BCL2: variants seen among roughly 807,000 people sequenced by gnomAD.
The protein encoded by BCL2 is BCL2 apoptosis regulator, also known as apoptosis regulator Bcl-2.
In BCL2, 1 loss-of-function variant was observed where a neutral mutation model predicts 14.2. The ratio of observed to expected loss-of-function variants is 0.07; its 90% CI spans 0.02 to 0.33. The LOEUF (loss-of-function observed/expected upper bound fraction) is 0.33, where lower values mean the gene tolerates loss of function less well. Ranked by LOEUF, BCL2 falls within the 10% of genes least tolerant of loss-of-function variation. BCL2 has a pLI of 0.99. For missense variants in BCL2, 247 were observed against 305.9 expected, an observed-to-expected ratio of 0.81 and a Z score of 1.44; for synonymous variants, 151 against 137.2, an observed-to-expected ratio of 1.10 and a Z score of -0.70.
At chr18:63,198,185 CACACACACACAGAG>C (rs1236408584) in intron 2 of BCL2, among the ~76,000 whole-genome samples, 4 of 151,880 alleles carry the variant, frequency 2.6e-5, no homozygotes, top group Non-Finnish European at 4.4e-5. Context: ...CATACACACA[CACACACACACAGAG>C]ACACACACAG....
chr18:63,318,936 C>G lies in BCL2; in HGVS notation c.-270G>C. 7.4e-7 allele frequency: 1 copy of G among 1,350,482 alleles called. No individual in the cohort carries two copies. Among genetic ancestry groups the G allele is most frequent in the Non-Finnish European group, 9.6e-7 (1 of 1,045,224 alleles). The allele number at this position is 1,350,482 out of a possible 1,614,324, so 83.7% of individuals were successfully genotyped here. A position where few individuals can be genotyped will look rare whatever the true frequency, so the allele number is the denominator to read the frequency against. On this transcript the variant is annotated 5_prime_UTR_variant, in exon 2 of 3. The change abolishes the stop of an existing upstream ORF in the 5' untranslated region. Coordinates refer to ENST00000333681, the MANE Select transcript of BCL2 (RefSeq NM_000633.3). This position sits in a 1 kb window ranked among gnomAD's most constrained non-coding sequence, Gnocchi z 7.4. ...ATTAGTAAGTATTGTTAATATCAGT[C>G]TACTTCCTCTGTGATGCTGAAAGGT...
chr18:63,313,053 C>T (rs989348928), intron 2 of BCL2, among the ~76,000 whole-genome samples: 23 of 152,296 alleles, frequency 1.5e-4, no homozygotes, highest in African/African-American at 4.6e-4. Context: ...TCAGAAATAA[C>T]GTTCTTAGAC....
intron 2 of BCL2, among the ~76,000 whole-genome samples, chr18:63,251,561 C>G (rs1041626081): frequency 5.4e-5 from 8 of 149,308 alleles, no homozygotes; most frequent in Non-Finnish European, 1.2e-4. Flanking sequence ...AGGAGAATGG[C>G]GTGAACCCGG....
At chr18:63,238,051 A>G (rs1411433822) in intron 2 of BCL2, among the ~76,000 whole-genome samples, 1 of 152,110 alleles carries the variant, frequency 6.6e-6, no homozygotes, top group Non-Finnish European at 1.5e-5. Flanking sequence ...TAGAGGATGC[A>G]ATCACTTTCT....
At position 63,128,602 on chromosome 18, in the gene BCL2, T is replaced by C; in HGVS notation, c.*23A>G. On this transcript the variant is annotated 3_prime_UTR_variant, in exon 3 of 3. Coordinates refer to ENST00000333681, the MANE Select transcript of BCL2 (RefSeq NM_000633.3). The stretch of plus-strand genomic sequence containing the variant: ...TGCTTTAGTGAACCTTTTGCATATT[T>C]GTTTGGGGCAGGCATGTTGACTTCA... The C allele has an allele frequency of 1.3e-6, 1 of 778,802 alleles. No homozygotes were observed. The highest frequency in any genetic ancestry group is 2.4e-5 in the East Asian group (1 of 41,190). 48.2% of individuals were successfully genotyped at this position (778,802 alleles called of 1,614,324 possible).
chr18:63,149,488 C>T lies in BCL2; in HGVS notation c.586-20729G>A, dbSNP rs1047325528. Among the ~76,000 whole-genome samples, 7 of 152,208 alleles carry T rather than the reference C, an allele frequency of 4.6e-5. No homozygotes were observed. The highest frequency in any genetic ancestry group is 1.9e-4 in the East Asian group (1 of 5,198). On this transcript the variant is annotated intron_variant, in intron 2 of 2. Coordinates refer to ENST00000333681, the MANE Select transcript of BCL2 (RefSeq NM_000633.3). The surrounding 1 kb of genome is among the most constrained non-coding windows in gnomAD (Gnocchi z 4.2). ...GTTGCAACTGTTGGCTGGTGCCAGA[C>T]GACTTTCGCTTGTTCTGTCTCTGTT... is the stretch of plus-strand genomic sequence containing the variant.
Position 63,261,652 on chromosome 18 carries a change from G to A in BCL2, c.585+56430C>T, listed in dbSNP as rs940124911. ...ACCATATTTATATTATACTACCTAC[G>A]CCATTTAAGGAATGTGGTTATACAT... On this transcript the variant is annotated intron_variant, in intron 2 of 2. Coordinates refer to ENST00000333681, the MANE Select transcript of BCL2 (RefSeq NM_000633.3). Among the ~76,000 whole-genome samples, 6 of 152,124 alleles carry A rather than the reference G, an allele frequency of 3.9e-5. No individual in the cohort carries two copies. In the East Asian group the frequency reaches 9.6e-4, roughly 24 times the overall value.
At chr18:63,166,622 C>T (rs1915051648) in intron 2 of BCL2, among the ~76,000 whole-genome samples, 1 of 152,166 alleles carries the variant, frequency 6.6e-6, no homozygotes, top group Non-Finnish European at 1.5e-5. Context: ...GAACTGGTGT[C>T]CCTTAGAACA....
intron 2 of BCL2, among the ~76,000 whole-genome samples, chr18:63,187,113 C>T (rs1011934101): frequency 3.9e-5 from 6 of 152,230 alleles, no homozygotes; most frequent in African/African-American, 9.6e-5. Context: ...CAAGTCCCTA[C>T]AGTTTTCATC....
chr18:63,164,740 C>G (rs777903164), intron 2 of BCL2, among the ~76,000 whole-genome samples: 2 of 152,020 alleles, frequency 1.3e-5, no homozygotes, highest in Non-Finnish European at 2.9e-5. Context: ...CATTTGAAAC[C>G]ACTGGAGGAG....
intron 2 of BCL2, among the ~76,000 whole-genome samples, chr18:63,241,719 A>G (rs1281921373): frequency 6.6e-6 from 1 of 152,216 alleles, no homozygotes; most frequent in Non-Finnish European, 1.5e-5. Context: ...AGAATCTCAC[A>G]AGTTCAGCAA....
At chr18:63,301,205 A>G (rs1912951276) in intron 2 of BCL2, among the ~76,000 whole-genome samples, 1 of 152,208 alleles carries the variant, frequency 6.6e-6, no homozygotes, top group Non-Finnish European at 1.5e-5. Context: ...AATAGTGGCT[A>G]CCTAGGACTG....
intron 2 of BCL2, among the ~76,000 whole-genome samples, chr18:63,248,000 T>C (rs1911202018): frequency 6.6e-6 from 1 of 152,176 alleles, no homozygotes; most frequent in African/African-American, 2.4e-5. Flanking sequence ...CCCATAACTT[T>C]AAAAGCATAC....
In BCL2 at chr18:63,128,611, C is replaced by T. The variant is rs1913977635; in HGVS notation, c.*14G>A. On this transcript the variant is annotated 3_prime_UTR_variant, in exon 3 of 3. Coordinates refer to ENST00000333681, the MANE Select transcript of BCL2 (RefSeq NM_000633.3). ...GAACCTTTTGCATATTTGTTTGGGG[C>T]AGGCATGTTGACTTCACTTGTGGCC... 1.3e-6 allele frequency: 1 copy of T among 779,918 alleles called. No homozygotes were observed. Among genetic ancestry groups the T allele is most frequent in the South Asian group, 1.3e-5 (1 of 74,480 alleles). 48.3% of individuals were successfully genotyped at this position (779,918 alleles called of 1,614,324 possible). A position where few individuals can be genotyped will look rare whatever the true frequency, so the allele number is the denominator to read the frequency against.
At chr18:63,211,371 T>C (rs961957005) in intron 2 of BCL2, among the ~76,000 whole-genome samples, 4 of 152,182 alleles carry the variant, frequency 2.6e-5, no homozygotes, top group Admixed American at 2.6e-4. Flanking sequence ...TTTATTTCCA[T>C]CTTTCCAAAG....
chr18:63,176,273 C>T (rs2144636404), intron 2 of BCL2, among the ~76,000 whole-genome samples: 1 of 152,338 alleles, frequency 6.6e-6, no homozygotes, highest in South Asian at 2.1e-4. Flanking sequence ...TGGTCTGTCT[C>T]TCATCCTCTG....
At chr18:63,198,720 C>CAG in intron 2 of BCL2, among the ~76,000 whole-genome samples, 1 of 139,322 alleles carries the variant, frequency 7.2e-6, no homozygotes, top group Admixed American at 7.3e-5. Flanking sequence ...GACACACACA[C>CAG]ACAGACACAC....
chr18:63,305,134 T>TC (rs375238982), intron 2 of BCL2, among the ~76,000 whole-genome samples: 1 of 152,150 alleles, frequency 6.6e-6, no homozygotes, highest in African/African-American at 2.4e-5. Flanking sequence ...TAGATCCCCC[T>TC]CTGCTGCAAG....
chr18:63,243,351 A>G (rs374021419), intron 2 of BCL2, among the ~76,000 whole-genome samples: 4 of 152,254 alleles, frequency 2.6e-5, no homozygotes, highest in Non-Finnish European at 4.4e-5. Flanking sequence ...AACACACACT[A>G]GGACCTATCA....
Sources: allele counts gnomAD v4.1 joint callset (sites outside exome capture counted in the v4.1 genomes callset), GRCh38; gene constraint gnomAD v4.1.1; non-coding constraint Gnocchi (gnomAD v3.1); transcripts MANE v1.5; gene names NCBI Gene and HGNC (gene_info 2026-07-23, HGNC 2026-07-21).